Variants in WDFY2 observed in about 807,000 individuals in gnomAD.
WDFY2 encodes WD repeat and FYVE domain containing 2, also known as WD repeat and FYVE domain-containing protein 2.
In WDFY2, 36 loss-of-function variants were observed where a neutral mutation model predicts 56.4. The ratio of observed to expected loss-of-function variants is 0.64; its 90% CI spans 0.49 to 0.84. WDFY2 has a LOEUF of 0.84. WDFY2 is among the 40% of genes least tolerant of loss of function. WDFY2 has a pLI of 0.00. For missense variants in WDFY2, 444 were observed against 512.2 expected, an observed-to-expected ratio of 0.87 and a Z score of 1.29; for synonymous variants, 176 against 183.7, an observed-to-expected ratio of 0.96 and a Z score of 0.34.
At chr13:51,675,468 G>A (rs1415704702) in intron 3 of WDFY2, among the ~76,000 whole-genome samples, 1 of 152,186 alleles carries the variant, frequency 6.6e-6, no homozygotes, top group East Asian at 1.9e-4. Flanking sequence ...ACCCTATACA[G>A]AGTGGCTAGA....
At chr13:51,594,920 A>G (rs763888076) in intron 1 of WDFY2, among the ~76,000 whole-genome samples, 2 of 152,196 alleles carry the variant, frequency 1.3e-5, no homozygotes, top group African/African-American at 2.4e-5. Context: ...TTCTGTTGCC[A>G]TGGTTCCATT....
chr13:51,732,633 A>G (rs146013404), intron 6 of WDFY2, among the ~76,000 whole-genome samples: 68 of 152,332 alleles, frequency 4.5e-4, no homozygotes, highest in Admixed American at 1.1e-3. Context: ...CTATAACAAG[A>G]ATAACTAAAC....
intron 1 of WDFY2, among the ~76,000 whole-genome samples, chr13:51,603,515 C>G (rs1453921404): frequency 2.6e-5 from 4 of 152,180 alleles, no homozygotes; most frequent in Admixed American, 6.5e-5. Flanking sequence ...CCTGGCCATA[C>G]TTTCTCTGTG....
rs66771214 is a variant in WDFY2 at position 51,667,879 on chromosome 13, C to CTTTTTT, written c.205+7241_205+7246dup. Among the ~76,000 whole-genome samples the CTTTTTT allele has an allele frequency of 2.3e-3, 114 of 50,056 alleles. 12 individuals carry two copies. The highest frequency in any genetic ancestry group is 5.0e-3 in the African/African-American group (50 of 10,028). 32.8% of individuals were successfully genotyped at this position (50,056 alleles called of 152,430 possible). A position where few individuals can be genotyped will look rare whatever the true frequency, so the allele number is the denominator to read the frequency against. ...GAAGAAAAAGGTACCTGAGGAACTT[C>CTTTTTT]TTTTTTTTTTTTTTTTTTTTTTTTT... On this transcript the variant is annotated intron_variant, in intron 2 of 11. Coordinates refer to ENST00000298125, the MANE Select transcript of WDFY2 (RefSeq NM_052950.4).
rs142499071 is a variant in WDFY2 at position 51,705,664 on chromosome 13, C to T, written c.334+2014C>T. Among the ~76,000 whole-genome samples, 748 of 151,782 alleles carry T rather than the reference C, an allele frequency of 4.9e-3. 5 individuals carry two copies. The highest frequency in any genetic ancestry group is 0.014 in the African/African-American group (587 of 41,374). On this transcript the variant is annotated intron_variant, in intron 4 of 11. Coordinates refer to ENST00000298125, the MANE Select transcript of WDFY2 (RefSeq NM_052950.4). ...CATTTTGATAGAGGCATGAAATACACAATAATCACGTAAGGGTAGATGGGG... is the reference window on the plus strand; with the variant it reads ...CATTTTGATAGAGGCATGAAATACATAATAATCACGTAAGGGTAGATGGGG...
intron 3 of WDFY2, among the ~76,000 whole-genome samples, chr13:51,676,603 C>T (rs143782152): frequency 6.6e-6 from 1 of 152,198 alleles, no homozygotes; most frequent in East Asian, 1.9e-4. Context: ...GATCTTTAGT[C>T]AAAACATTTG....
chr13:51,640,356 C>T (rs187142009), intron 1 of WDFY2, among the ~76,000 whole-genome samples: 41 of 152,270 alleles, frequency 2.7e-4, no homozygotes, highest in African/African-American at 9.4e-4. Context: ...AGCAATATAT[C>T]CGTCATGCAG....
At chr13:51,733,986 CT>C (rs1952780078) in intron 6 of WDFY2, among the ~76,000 whole-genome samples, 1 of 152,156 alleles carries the variant, frequency 6.6e-6, no homozygotes, top group African/African-American at 2.4e-5. Flanking sequence ...GACAAAAACC[CT>C]TGTCACTTCA....
chr13:51,607,129 C>T (rs2138325629), intron 1 of WDFY2, among the ~76,000 whole-genome samples: 1 of 152,336 alleles, frequency 6.6e-6, no homozygotes, highest in East Asian at 1.9e-4. Flanking sequence ...GATACCATAA[C>T]ATAGCATATT....
intron 1 of WDFY2, among the ~76,000 whole-genome samples, chr13:51,619,177 A>G (rs373652773): frequency 1.3e-5 from 2 of 152,298 alleles, no homozygotes; most frequent in South Asian, 2.1e-4. Context: ...TCGAGGCTGC[A>G]TGTGGTGGCT....
chr13:51,749,150 T>A (rs1454650205), intron 7 of WDFY2, among the ~76,000 whole-genome samples: 1 of 152,228 alleles, frequency 6.6e-6, no homozygotes, highest in Non-Finnish European at 1.5e-5. Context: ...ACAGAATATG[T>A]GACTTATGTT....
At position 51,716,017 on chromosome 13, in the gene WDFY2, G is replaced by GAT. The variant is rs138274016; in HGVS notation, c.335-3169_335-3168dup. ...AGTGATGAATGGATAAACAAAATGTGATATATATATATACAGTGAGTTATT... is the reference window on the plus strand; with the variant it reads ...AGTGATGAATGGATAAACAAAATGTGATATATATATATATACAGTGAGTTATT... On this transcript the variant is annotated intron_variant, in intron 4 of 11. Transcript: ENST00000298125. Among the ~76,000 whole-genome samples, 1,132 of 151,792 alleles carry GAT rather than the reference G, an allele frequency of 7.5e-3. 7 individuals carry two copies. Among genetic ancestry groups the GAT allele is most frequent in the African/African-American group, 8.6e-3 (356 of 41,386 alleles).
At chr13:51,606,875 C>T (rs1954393471) in intron 1 of WDFY2, among the ~76,000 whole-genome samples, 1 of 152,122 alleles carries the variant, frequency 6.6e-6, no homozygotes, top group Admixed American at 6.6e-5. Flanking sequence ...CTAGAGGTTG[C>T]TAGTTTCTTT....
At chr13:51,630,839 C>T (rs536557243) in intron 1 of WDFY2, among the ~76,000 whole-genome samples, 8 of 150,262 alleles carry the variant, frequency 5.3e-5, no homozygotes, top group East Asian at 2.0e-4. Flanking sequence ...AGTGCAGTGG[C>T]GCTATCTCGG....
At chr13:51,619,897 T>C (rs764445876) in intron 1 of WDFY2, among the ~76,000 whole-genome samples, 20 of 152,254 alleles carry the variant, frequency 1.3e-4, no homozygotes, top group Non-Finnish European at 2.5e-4. Flanking sequence ...TATAGTTGGC[T>C]GAGACTCGCC....
intron 1 of WDFY2, among the ~76,000 whole-genome samples, chr13:51,656,628 G>T (rs1382319404): frequency 6.6e-6 from 1 of 151,836 alleles, no homozygotes; most frequent in Non-Finnish European, 1.5e-5. Flanking sequence ...AGTTCTGTCA[G>T]TGCTTACTTT....
At chr13:51,741,555 A>G (rs374787041) in intron 7 of WDFY2, among the ~76,000 whole-genome samples, 1 of 152,318 alleles carries the variant, frequency 6.6e-6, no homozygotes, top group East Asian at 1.9e-4. Flanking sequence ...TCTGGCAGAA[A>G]AGGAGACCAC....
intron 1 of WDFY2, among the ~76,000 whole-genome samples, chr13:51,600,549 C>T (rs1294498488): frequency 2.0e-5 from 3 of 152,158 alleles, no homozygotes; most frequent in Non-Finnish European, 4.4e-5. Context: ...TCTAGATAAG[C>T]AGGGAGAGAT....
intron 2 of WDFY2, among the ~76,000 whole-genome samples, chr13:51,673,442 A>G (rs1347569831): frequency 1.3e-5 from 2 of 152,242 alleles, no homozygotes; most frequent in Non-Finnish European, 2.9e-5. Context: ...AAATTGTGAC[A>G]TATTTAAAAT....
Sources: allele counts gnomAD v4.1 joint callset (sites outside exome capture counted in the v4.1 genomes callset), GRCh38; gene constraint gnomAD v4.1.1; transcripts MANE v1.5; gene names NCBI Gene and HGNC (gene_info 2026-07-23, HGNC 2026-07-21).